Variants in LRP1B observed in about 807,000 individuals in gnomAD.
LRP1B encodes low-density lipoprotein receptor-related protein 1B.
In LRP1B, 217 loss-of-function variants were observed where a neutral mutation model predicts 556.6. The ratio of observed to expected loss-of-function variants is 0.39; its 90% CI spans 0.35 to 0.44. LRP1B has a LOEUF of 0.44. Ranked by LOEUF, LRP1B falls within the 20% of genes least tolerant of loss-of-function variation. The pLI is 1.00. For synonymous variants in LRP1B, 2,047 were observed against 1,865.8 expected, an observed-to-expected ratio of 1.10 and a Z score of -2.50; for missense variants, 5,053 against 5,620.8, an observed-to-expected ratio of 0.90 and a Z score of 3.23.
intron 2 of LRP1B, among the ~76,000 whole-genome samples, chr2:141,682,512 T>C (rs925525195): frequency 2.6e-5 from 4 of 152,140 alleles, no homozygotes; most frequent in African/African-American, 9.6e-5. Context: ...TCTAATAATA[T>C]TCCCTTTACA....
At chr2:140,601,126 T>C (rs1682654367) in intron 42 of LRP1B, among the ~76,000 whole-genome samples, 1 of 151,820 alleles carries the variant, frequency 6.6e-6, no homozygotes, top group Admixed American at 6.6e-5. Flanking sequence ...TGTATGTTAA[T>C]TTTTTTAAAT....
At chr2:141,498,277 A>G (rs1683587850) in intron 2 of LRP1B, among the ~76,000 whole-genome samples, 1 of 151,024 alleles carries the variant, frequency 6.6e-6, no homozygotes. Flanking sequence ...GAACTCCTTC[A>G]TCTACAACAC....
intron 7 of LRP1B, among the ~76,000 whole-genome samples, chr2:141,146,644 T>C (rs1175066583): frequency 6.6e-6 from 1 of 152,202 alleles, no homozygotes; most frequent in Admixed American, 6.5e-5. Context: ...AACACACACA[T>C]ATATGGTTGT....
At chr2:141,206,714 A>T (rs1339322214) in intron 6 of LRP1B, among the ~76,000 whole-genome samples, 1 of 152,170 alleles carries the variant, frequency 6.6e-6, no homozygotes, top group Non-Finnish European at 1.5e-5. Context: ...TGGAAAGCTT[A>T]AAACTATCTT....
chr2:141,835,261 G>C (rs1169213360), intron 1 of LRP1B, among the ~76,000 whole-genome samples: 2 of 151,908 alleles, frequency 1.3e-5, no homozygotes, highest in Admixed American at 6.6e-5. Context: ...TCTTTTATAG[G>C]TCCAGGATGG....
rs183500805 is a variant in LRP1B at position 141,944,394 on chromosome 2, T to C, written c.83-133993A>G. Reference sequence around the variant, plus strand: ...GACAATACTACCTTCCCTATCCTTATTCCTCTTCAAAAAGGCATAGCTTAA... The same window carrying C: ...GACAATACTACCTTCCCTATCCTTACTCCTCTTCAAAAAGGCATAGCTTAA... On this transcript the variant is annotated intron_variant, in intron 1 of 90. Coordinates refer to ENST00000389484, the MANE Select transcript of LRP1B (RefSeq NM_018557.3). 2.6e-5 allele frequency among the ~76,000 whole-genome samples: 4 copies of C among 152,302 alleles called. No individual in the cohort carries two copies. In the South Asian group the frequency reaches 8.3e-4, roughly 32 times the overall value.
intron 21 of LRP1B, among the ~76,000 whole-genome samples, chr2:140,909,360 T>C (rs1296772024): frequency 6.6e-6 from 1 of 152,064 alleles, no homozygotes; most frequent in African/African-American, 2.4e-5. Flanking sequence ...TCTTCTTAAG[T>C]CTTATAAGTA....
At chr2:141,134,965 A>T (rs1701454884) in intron 7 of LRP1B, among the ~76,000 whole-genome samples, 1 of 151,870 alleles carries the variant, frequency 6.6e-6, no homozygotes, top group Non-Finnish European at 1.5e-5. Flanking sequence ...CAGGGGTAAG[A>T]TTAGGAATTT....
chr2:141,210,598 T>C (rs1208581445), intron 6 of LRP1B, among the ~76,000 whole-genome samples: 2 of 152,190 alleles, frequency 1.3e-5, no homozygotes, highest in Non-Finnish European at 2.9e-5. Flanking sequence ...AAATTTCATG[T>C]TGTACCAAGT....
chr2:140,708,996 CTGT>C (rs1258748784), intron 37 of LRP1B, among the ~76,000 whole-genome samples: 1 of 152,082 alleles, frequency 6.6e-6, no homozygotes, highest in Non-Finnish European at 1.5e-5. Flanking sequence ...CTACACTACA[CTGT>C]TGTTGTCTTA....
intron 1 of LRP1B, among the ~76,000 whole-genome samples, chr2:142,119,553 G>T (rs975711659): frequency 6.6e-6 from 1 of 151,980 alleles, no homozygotes; most frequent in Non-Finnish European, 1.5e-5. Context: ...AGAAAACAGA[G>T]CAATGAAAAA....
intron 60 of LRP1B, among the ~76,000 whole-genome samples, chr2:140,461,584 C>T (rs1193178670): frequency 6.6e-6 from 1 of 152,104 alleles, no homozygotes; most frequent in African/African-American, 2.4e-5. Context: ...CCTGTAATCC[C>T]AGCATTTTGG....
chr2:140,498,522 G>T (rs1689044296), intron 55 of LRP1B, among the ~76,000 whole-genome samples: 2 of 151,884 alleles, frequency 1.3e-5, no homozygotes, highest in South Asian at 4.1e-4. Context: ...ATGCAAATTG[G>T]CCACAGTCCA....
At chr2:141,678,731 A>G (rs562159694) in intron 2 of LRP1B, among the ~76,000 whole-genome samples, 2 of 152,314 alleles carry the variant, frequency 1.3e-5, no homozygotes, top group Non-Finnish European at 2.9e-5. Context: ...TAGGTAATTA[A>G]TTCATAAAAC....
At chr2:141,895,053 A>G (rs1184964226) in intron 1 of LRP1B, among the ~76,000 whole-genome samples, 1 of 149,578 alleles carries the variant, frequency 6.7e-6, no homozygotes, top group East Asian at 1.9e-4. Context: ...CATCTCAAAA[A>G]AAAAAAAAAA....
At chr2:140,552,132 T>A (rs1287375413) in intron 43 of LRP1B, among the ~76,000 whole-genome samples, 1 of 152,152 alleles carries the variant, frequency 6.6e-6, no homozygotes, top group Non-Finnish European at 1.5e-5. Context: ...CAGGTGTATA[T>A]GTGCTATTTT....
At chr2:140,894,897 C>T (rs1346922854) in intron 23 of LRP1B, among the ~76,000 whole-genome samples, 2 of 150,930 alleles carry the variant, frequency 1.3e-5, no homozygotes, top group Admixed American at 6.6e-5. Context: ...GAGACAAAAT[C>T]GTGCCACTGC....
intron 12 of LRP1B, among the ~76,000 whole-genome samples, chr2:141,018,822 T>C (rs72975035): frequency 0.073 from 11,156 of 152,164 alleles, 466 homozygotes; most frequent in Non-Finnish European, 0.081. Context: ...TTATGCCCTA[T>C]GAAACACTTA....
intron 41 of LRP1B, among the ~76,000 whole-genome samples, chr2:140,659,077 T>A (rs1684991784): frequency 2.0e-5 from 3 of 150,448 alleles, no homozygotes; most frequent in African/African-American, 7.3e-5. Context: ...AGGCAATGGG[T>A]TGTCCCTAAA....
Sources: gnomAD v4.1 joint callset for allele counts (sites outside exome capture counted in the v4.1 genomes callset) on GRCh38, gnomAD v4.1.1 for gene constraint, MANE v1.5 for transcripts, NCBI Gene and HGNC (gene_info 2026-07-23, HGNC 2026-07-21) for gene names.